CTXN2: variants seen among roughly 807,000 people sequenced by gnomAD.
CTXN2 encodes the protein cortexin-2.
In CTXN2, 3 loss-of-function variants were observed where a neutral mutation model predicts 5.7. That is an observed-to-expected ratio of 0.53 (90% CI 0.24 to 1.36). The LOEUF is 1.36. Ranked by LOEUF, CTXN2 falls within the 40% of genes most tolerant of loss-of-function variation. The pLI, the probability that CTXN2 is intolerant of heterozygous loss-of-function variation, is 0.17. For synonymous variants in CTXN2, 38 were observed against 36.4 expected (o/e 1.04, Z -0.16); for missense variants, 87 against 93.0 (o/e 0.94, Z 0.26).
Position 48,202,795 on chromosome 15 carries a change from T to G in CTXN2, c.*1249T>G, listed in dbSNP as rs903318310. The G allele has an allele frequency of 6.6e-5, 11 of 166,624 alleles. No homozygotes were observed. The highest frequency in any genetic ancestry group is 2.9e-5 in the Non-Finnish European group (2 of 68,108). The allele number at this position is 166,624 out of a possible 1,614,324, so 10.3% of individuals were successfully genotyped here. On this transcript the variant is annotated 3_prime_UTR_variant, in exon 2 of 2. Coordinates refer to ENST00000417307, the MANE Select transcript of CTXN2 (RefSeq NM_001145668.2). The stretch of plus-strand genomic sequence containing the variant: ...TCTCTAGTATTTCATTCTCTTCAAT[T>G]GAGAAATAAAAAGATAAAATTATAT...
upstream of CTXN2, chr15:48,191,347 T>G (rs2040819948): frequency 5.6e-6 from 1 of 178,884 alleles, no homozygotes; most frequent in African/African-American, 2.4e-5. Flanking sequence ...CCTCACTGCC[T>G]TAGTAAACAA....
rs1383979270 is a variant in CTXN2 at position 48,201,927 on chromosome 15, T to A, written c.*381T>A. 3.6e-5 allele frequency: 8 copies of A among 223,882 alleles called. No individual in the cohort carries two copies. In the East Asian group the frequency reaches 9.1e-4, roughly 25 times the overall value. The allele number at this position is 223,882 out of a possible 1,614,324, so 13.9% of individuals were successfully genotyped here. Reference sequence around the variant, plus strand: ...TCCACATTCCTGACTCAGACCCCTTTAGCTTTAGTGAGTCAGGTCTTAAAC... The same window carrying A: ...TCCACATTCCTGACTCAGACCCCTTAAGCTTTAGTGAGTCAGGTCTTAAAC... On this transcript the variant is annotated 3_prime_UTR_variant, in exon 2 of 2. Transcript: ENST00000417307.
chr15:48,194,584 C>A (rs1262962844), intron 1 of CTXN2, among the ~76,000 whole-genome samples: 1 of 152,112 alleles, frequency 6.6e-6, no homozygotes, highest in East Asian at 1.9e-4. Flanking sequence ...ATTCTAGAAG[C>A]CCTAGCCTCC....
At chr15:48,179,679 C>T (rs893007840) in intron 1 of CTXN2, among the ~76,000 whole-genome samples, 1 of 152,236 alleles carries the variant, frequency 6.6e-6, no homozygotes, top group East Asian at 1.9e-4. Context: ...ACCGACCTTA[C>T]AGGATTGAGG....
At chr15:48,181,743 G>T (rs532738221) in intron 1 of CTXN2, among the ~76,000 whole-genome samples, 2 of 151,968 alleles carry the variant, frequency 1.3e-5, no homozygotes, top group East Asian at 3.9e-4. Flanking sequence ...CTTCTCTGGG[G>T]TATTCAGAAA....
chr15:48,182,616 T>C (rs898513725), intron 1 of CTXN2, among the ~76,000 whole-genome samples: 1 of 152,238 alleles, frequency 6.6e-6, no homozygotes, highest in Non-Finnish European at 1.5e-5. Context: ...ACATGCAGAA[T>C]ATATATATGT....
intron 1 of CTXN2, among the ~76,000 whole-genome samples, chr15:48,197,200 A>C (rs1220768306): frequency 6.6e-6 from 1 of 151,930 alleles, no homozygotes; most frequent in Non-Finnish European, 1.5e-5. Context: ...TCCACCTCAA[A>C]GCCTTTGTAA....
At chr15:48,187,392 C>T (rs2040768333), upstream of CTXN2, among the ~76,000 whole-genome samples, 2 of 151,576 alleles carry the variant, frequency 1.3e-5, no homozygotes, top group African/African-American at 2.4e-5. Context: ...TAAAATTTCA[C>T]ATTTGAAAGA....
chr15:48,178,928 G>C (rs1271127589), intron 1 of CTXN2, among the ~76,000 whole-genome samples: 1 of 151,598 alleles, frequency 6.6e-6, no homozygotes, highest in Non-Finnish European at 1.5e-5. Context: ...TTTTTCTCTG[G>C]ACATCAATCA....
At chr15:48,191,953 C>T in intron 1 of CTXN2, 100 bp downstream of exon 1, 2 of 392,266 alleles carry the variant, frequency 5.1e-6, no homozygotes, top group Non-Finnish European at 1.0e-5. Flanking sequence ...TGTCCTCATT[C>T]TCTTGTATTT....
Position 48,201,727 on chromosome 15 carries a change from C to T in CTXN2, c.*181C>T, listed in dbSNP as rs191748978. The T allele has an allele frequency of 2.2e-4, 148 of 661,842 alleles. 2 individuals are homozygous for T. The African/African-American group carries it at 2.5e-3, about 11-fold the overall frequency. The allele number at this position is 661,842 out of a possible 1,614,324, so 41.0% of individuals were successfully genotyped here. A position where few individuals can be genotyped will look rare whatever the true frequency, so the allele number is the denominator to read the frequency against. Reference sequence around the variant, plus strand: ...ACTATTGTTGGGATTCCTCACTTTCCTCTGTTCCCACTTAGAGGTTTCCAA... The same window carrying T: ...ACTATTGTTGGGATTCCTCACTTTCTTCTGTTCCCACTTAGAGGTTTCCAA... On this transcript the variant is annotated 3_prime_UTR_variant, in exon 2 of 2. Coordinates refer to ENST00000417307, the MANE Select transcript of CTXN2 (RefSeq NM_001145668.2).
upstream of CTXN2, among the ~76,000 whole-genome samples, chr15:48,190,770 C>A (rs1318693496): frequency 3.9e-5 from 6 of 152,244 alleles, no homozygotes; most frequent in Non-Finnish European, 7.4e-5. Context: ...ATTGGGAACC[C>A]TGTAACTGAG....
At chr15:48,179,486 T>C (rs1405438701) in intron 1 of CTXN2, among the ~76,000 whole-genome samples, 1 of 152,090 alleles carries the variant, frequency 6.6e-6, no homozygotes, top group Non-Finnish European at 1.5e-5. Context: ...AATGCTATTG[T>C]AGTTGCTGTA....
At chr15:48,180,974 A>C (rs907725768) in intron 1 of CTXN2, among the ~76,000 whole-genome samples, 3 of 152,210 alleles carry the variant, frequency 2.0e-5, no homozygotes, top group Admixed American at 2.0e-4. Flanking sequence ...ATAATCACTT[A>C]GTTTTCTTTC....
chr15:48,201,682 C>G lies in CTXN2; in HGVS notation c.*136C>G. The G allele has an allele frequency of 1.2e-6, 1 of 831,896 alleles. No homozygotes were observed. Among genetic ancestry groups the G allele is most frequent in the Non-Finnish European group, 1.9e-6 (1 of 531,182 alleles). The allele number at this position is 831,896 out of a possible 1,614,324, so 51.5% of individuals were successfully genotyped here. Reference sequence around the variant, plus strand: ...TAAACATCTGTGACTAATTTCTTCACCATGCTGTGTAAATGATAAACTATT... The same window carrying G: ...TAAACATCTGTGACTAATTTCTTCAGCATGCTGTGTAAATGATAAACTATT... On this transcript the variant is annotated 3_prime_UTR_variant, in exon 2 of 2. Coordinates refer to ENST00000417307, the MANE Select transcript of CTXN2 (RefSeq NM_001145668.2).
At chr15:48,180,161 C>A (rs928429842) in intron 1 of CTXN2, among the ~76,000 whole-genome samples, 4 of 152,262 alleles carry the variant, frequency 2.6e-5, no homozygotes, top group African/African-American at 9.6e-5. Context: ...TAAAATATTC[C>A]ATTAAAATAT....
chr15:48,184,746 C>T (rs932744665), intron 1 of CTXN2, among the ~76,000 whole-genome samples: 1 of 152,148 alleles, frequency 6.6e-6, no homozygotes, highest in African/African-American at 2.4e-5. Context: ...CAATTTCTTA[C>T]ACAGCTAAAT....
rs1259752200 is a variant in CTXN2 at position 48,201,589 on chromosome 15, C to T, written c.*43C>T. The T allele has an allele frequency of 1.3e-6, 2 of 1,541,336 alleles. No homozygotes were observed. Among genetic ancestry groups the T allele is most frequent in the African/African-American group, 2.8e-5 (2 of 72,656 alleles). On this transcript the variant is annotated 3_prime_UTR_variant, in exon 2 of 2. Transcript: ENST00000417307. ...TTTTTATGGTTGTGCCATCGGGACA[C>T]ATTCTGGATACAATTGTAACTACCT...
At chr15:48,185,889 G>A (rs1187917455) in intron 1 of CTXN2, among the ~76,000 whole-genome samples, 1 of 152,166 alleles carries the variant, frequency 6.6e-6, no homozygotes, top group South Asian at 2.1e-4. Context: ...TTACTTGGTA[G>A]TCAAAACATT....
Sources: allele counts gnomAD v4.1 joint callset (sites outside exome capture counted in the v4.1 genomes callset), GRCh38; gene constraint gnomAD v4.1.1; transcripts MANE v1.5; gene names NCBI Gene and HGNC (gene_info 2026-07-23, HGNC 2026-07-21).